The following MAML2 variants were observed in gnomAD, a reference collection of about 807,000 sequenced individuals.
MAML2 encodes mastermind-like protein 2.
In MAML2, 22 loss-of-function variants were observed where a neutral mutation model predicts 96.1. The observed-to-expected ratio is 0.23, with a 90% CI of 0.16 to 0.33. MAML2 has a LOEUF of 0.33. Ranked by LOEUF, MAML2 falls within the 10% of genes least tolerant of loss-of-function variation. MAML2 has a pLI of 1.00. For synonymous variants in MAML2, 561 were observed against 521.3 expected (o/e 1.08, Z -1.04); for missense variants, 1,367 against 1,392.4 (o/e 0.98, Z 0.29).
intron 1 of MAML2, among the ~76,000 whole-genome samples, chr11:96,267,361 G>T (rs1862844094): frequency 6.6e-6 from 1 of 152,050 alleles, no homozygotes; most frequent in Admixed American, 6.6e-5. Context: ...GCTTAATTCG[G>T]CCAACACAAA....
intron 2 of MAML2, among the ~76,000 whole-genome samples, chr11:96,083,115 G>T (rs1269001872): frequency 6.6e-6 from 1 of 152,190 alleles, no homozygotes; most frequent in Non-Finnish European, 1.5e-5. Flanking sequence ...TGAGACAGAG[G>T]ATGGGTGAAT....
At chr11:96,336,540 T>C (rs1343015743) in intron 1 of MAML2, among the ~76,000 whole-genome samples, 1 of 152,220 alleles carries the variant, frequency 6.6e-6, no homozygotes, top group East Asian at 1.9e-4. Flanking sequence ...AATTTAGAAT[T>C]GTTTTCACTA....
rs182581208 is a variant in MAML2, at chr11:95,992,941, C to G, written c.2140-1218G>C. Reference sequence around the variant, plus strand: ...TATTACCCAGGCTGGAGTGCAGTGGCATAATCATGGCTCACTGCAGCTTCA... The same window carrying G: ...TATTACCCAGGCTGGAGTGCAGTGGGATAATCATGGCTCACTGCAGCTTCA... On this transcript the variant is annotated intron_variant, in intron 2 of 4. Coordinates refer to ENST00000524717, the MANE Select transcript of MAML2 (RefSeq NM_032427.4). Among the ~76,000 whole-genome samples the G allele has an allele frequency of 2.5e-3, 382 of 151,834 alleles. 1 individual carries two copies. The highest frequency in any genetic ancestry group is 8.8e-3 in the African/African-American group (365 of 41,380).
At chr11:96,148,719 C>A (rs1028051207) in intron 1 of MAML2, among the ~76,000 whole-genome samples, 2 of 149,762 alleles carry the variant, frequency 1.3e-5, no homozygotes, top group East Asian at 1.9e-4. Flanking sequence ...TAAGCACGCA[C>A]ACTACCTGAT....
At chr11:96,080,946 G>A (rs762103824) in intron 2 of MAML2, among the ~76,000 whole-genome samples, 6 of 152,160 alleles carry the variant, frequency 3.9e-5, no homozygotes, top group Non-Finnish European at 7.4e-5. Flanking sequence ...CCAGAGACTC[G>A]TTTGAGAAAA....
rs776835885 is a variant in MAML2 at position 96,092,395 on chromosome 11, G to A, written c.1636C>T (p.His546Tyr). The A allele has an allele frequency of 1.3e-5, 21 of 1,613,898 alleles. No individual in the cohort carries two copies. In the South Asian group the frequency reaches 2.0e-4, roughly 15 times the overall value. ...DLSRSFINNP[H>Y]PAMEPRQGNT... is the part of the protein sequence containing the mutation. The stretch of plus-strand genomic sequence containing the variant: ...CCCTGACGGGGCTCCATGGCTGGGT[G>A]CGGGTTGTTAATAAAACTTCGACTG... The change falls in exon 2 of 5, where the codon CAC becomes TAC. Residue 546 changes from histidine to tyrosine, a missense_variant. Transcript: ENST00000524717. The surrounding 1 kb of genome is among the most constrained non-coding windows in gnomAD (Gnocchi z 4.1).
At chr11:96,283,389 A>G (rs189482714) in intron 1 of MAML2, among the ~76,000 whole-genome samples, 1 of 152,364 alleles carries the variant, frequency 6.6e-6, no homozygotes, top group East Asian at 1.9e-4. Flanking sequence ...AACGTTTATT[A>G]GAACACTTGA....
chr11:96,188,977 C>A (rs1462911569), intron 1 of MAML2, among the ~76,000 whole-genome samples: 1 of 151,890 alleles, frequency 6.6e-6, no homozygotes, highest in Non-Finnish European at 1.5e-5. Flanking sequence ...TGAGGAGAAA[C>A]CATTACTCTT....
rs924369722 is a variant in MAML2, at chr11:96,231,780, CAGA to C, written c.513+109600_513+109602del. 3.7e-4 allele frequency among the ~76,000 whole-genome samples: 56 copies of C among 152,280 alleles called. 1 individual carries two copies. The highest frequency in any genetic ancestry group is 3.4e-3 in the Middle Eastern group (1 of 294). The stretch of plus-strand genomic sequence containing the variant: ...CTGTCCACTATCCAAGCTCATCGTA[CAGA>C]AGGACACTACCTACCCAGTCTTGTG... On this transcript the variant is annotated intron_variant, in intron 1 of 4. Transcript: ENST00000524717.
At chr11:96,127,498 T>C (rs902550179) in intron 1 of MAML2, among the ~76,000 whole-genome samples, 1 of 152,252 alleles carries the variant, frequency 6.6e-6, no homozygotes, top group Non-Finnish European at 1.5e-5. Context: ...CAGCGCCAAA[T>C]AATTTGCTGG....
At chr11:96,077,440 T>A (rs1170454023) in intron 2 of MAML2, among the ~76,000 whole-genome samples, 1 of 151,894 alleles carries the variant, frequency 6.6e-6, no homozygotes, top group African/African-American at 2.4e-5. Flanking sequence ...AGGCTGGTCT[T>A]GAACTCCTGA....
chr11:96,175,977 G>A (rs1043046576), intron 1 of MAML2, among the ~76,000 whole-genome samples: 3 of 152,272 alleles, frequency 2.0e-5, no homozygotes, highest in African/African-American at 4.8e-5. Context: ...ACACATTGGA[G>A]AATAGGAGCA....
intron 2 of MAML2, among the ~76,000 whole-genome samples, chr11:96,038,347 A>C (rs1309143160): frequency 2.0e-5 from 3 of 152,232 alleles, no homozygotes; most frequent in African/African-American, 7.2e-5. Flanking sequence ...ATTTTGGTGT[A>C]TGTGGTGAAA....
intron 2 of MAML2, among the ~76,000 whole-genome samples, chr11:96,020,536 A>G (rs1858421089): frequency 6.6e-6 from 1 of 152,180 alleles, no homozygotes; most frequent in African/African-American, 2.4e-5. Flanking sequence ...GTAGGTGTTA[A>G]GGGAGGGGGT....
At position 95,977,916 on chromosome 11, in the gene MAML2, T is replaced by C; in HGVS notation, c.*1032A>G. 4.5e-6 allele frequency: 1 copy of C among 224,378 alleles called. No individual in the cohort carries two copies. The highest frequency in any genetic ancestry group is 8.9e-6 in the Non-Finnish European group (1 of 112,440). The allele number at this position is 224,378 out of a possible 1,614,324, so 13.9% of individuals were successfully genotyped here. On this transcript the variant is annotated 3_prime_UTR_variant, in exon 5 of 5. Coordinates refer to ENST00000524717, the MANE Select transcript of MAML2 (RefSeq NM_032427.4). ...CATTTGTACACACTGGTACTTGCCA[T>C]CCCTGGTTCTTATCTCCAACCAAAA...
rs1379165920 is a variant in MAML2 at position 96,272,796 on chromosome 11, A to G, written c.513+68587T>C. 3.9e-5 allele frequency among the ~76,000 whole-genome samples: 6 copies of G among 152,298 alleles called. No individual in the cohort carries two copies. In the East Asian group the frequency reaches 1.2e-3, roughly 29 times the overall value. ...CCTTTAACTTCTAACTTGCTGTACA[A>G]TTAAGCTATTTAAGCCTTCGACTTA... On this transcript the variant is annotated intron_variant, in intron 1 of 4. Coordinates refer to ENST00000524717, the MANE Select transcript of MAML2 (RefSeq NM_032427.4).
In MAML2 at chr11:96,319,234, GCAGATCCTC is replaced by G. The variant is rs1165186095; in HGVS notation, c.513+22140_513+22148del. 1.5e-4 allele frequency among the ~76,000 whole-genome samples: 23 copies of G among 152,284 alleles called. No individual in the cohort carries two copies. The East Asian group carries it at 3.3e-3, about 22-fold the overall frequency. ...AACAGCCATGGGAGTGAACTTGGAA[GCAGATCCTC>G]CATCCTCAACCTGGCTTTGAGGGGA... On this transcript the variant is annotated intron_variant, in intron 1 of 4. Coordinates refer to ENST00000524717, the MANE Select transcript of MAML2 (RefSeq NM_032427.4).
At chr11:96,101,105 C>T (rs1859921702) in intron 1 of MAML2, among the ~76,000 whole-genome samples, 1 of 152,088 alleles carries the variant, frequency 6.6e-6, no homozygotes, top group Admixed American at 6.5e-5. Context: ...AGGAGCAATG[C>T]AAATTCAGGT....
chr11:96,037,174 C>T (rs1858727848), intron 2 of MAML2, among the ~76,000 whole-genome samples: 1 of 145,462 alleles, frequency 6.9e-6, no homozygotes, highest in Admixed American at 6.9e-5. Context: ...ACTAATGCCT[C>T]AGAAAATAAA....
Sources: allele counts gnomAD v4.1 joint callset (sites outside exome capture counted in the v4.1 genomes callset), GRCh38; gene constraint gnomAD v4.1.1; non-coding constraint Gnocchi (gnomAD v3.1); transcripts MANE v1.5; gene names NCBI Gene and HGNC (gene_info 2026-07-23, HGNC 2026-07-21).